CSGALNACT1: variants seen among roughly 807,000 people sequenced by gnomAD.
CSGALNACT1 encodes chondroitin sulfate N-acetylgalactosaminyltransferase 1.
A neutral mutation model predicts 51.0 loss-of-function variants in CSGALNACT1; 52 were observed. The observed-to-expected ratio is 1.02, with a 90% CI of 0.82 to 1.29. CSGALNACT1 has a LOEUF of 1.29. Ranked by LOEUF, CSGALNACT1 falls within the 50% of genes most tolerant of loss-of-function variation. The pLI, the probability that CSGALNACT1 is intolerant of heterozygous loss-of-function variation, is 0.00. For synonymous variants in CSGALNACT1, 341 were observed against 254.4 expected (o/e 1.34, Z -3.24); for missense variants, 935 against 679.2 (o/e 1.38, Z -4.19).
At chr8:19,602,323 A>C (rs1054654617) in exon 1 of CSGALNACT1, 1 of 152,120 alleles carries the variant, frequency 6.6e-6, no homozygotes, top group African/African-American at 2.4e-5. Context: ...GCCACCACTT[A>C]AAAAAAACGG....
intron 3 of CSGALNACT1, among the ~76,000 whole-genome samples, chr8:19,545,467 A>G (rs1470147662): frequency 1.3e-5 from 2 of 152,188 alleles, no homozygotes; most frequent in African/African-American, 4.8e-5. Context: ...GATGTAGAAA[A>G]AGCATAAAAC....
chr8:19,420,299 G>A (rs867274514), intron 7 of CSGALNACT1, 41 bp downstream of exon 6: 4 of 1,601,740 alleles, frequency 2.5e-6, no homozygotes, highest in Non-Finnish European at 2.6e-6. Flanking sequence ...GGCCCGAGAG[G>A]GCTGGGGGCC....
intron 6 of CSGALNACT1, among the ~76,000 whole-genome samples, chr8:19,428,218 G>A (rs2059084008): frequency 6.6e-6 from 1 of 152,172 alleles, no homozygotes; most frequent in South Asian, 2.1e-4. Context: ...CAGCATCGGA[G>A]TCTGTATCAG....
At chr8:19,620,977 A>T (rs2053750570) in intron 1 of CSGALNACT1, among the ~76,000 whole-genome samples, 1 of 152,206 alleles carries the variant, frequency 6.6e-6, no homozygotes, top group African/African-American at 2.4e-5. Flanking sequence ...GCATTCTGAA[A>T]AAATAGAAAC....
At chr8:19,438,197 C>A (rs7008916) in intron 6 of CSGALNACT1, among the ~76,000 whole-genome samples, 4 of 146,372 alleles carry the variant, frequency 2.7e-5, no homozygotes, top group African/African-American at 7.5e-5. Flanking sequence ...GGGCGGGGGT[C>A]GGGGGGCAGC....
Position 19,592,064 on chromosome 8 carries a change from GA to G in CSGALNACT1, c.-415-787del, listed in dbSNP as rs566241799. Among the ~76,000 whole-genome samples the G allele has an allele frequency of 4.6e-3, 688 of 149,410 alleles. 4 individuals are homozygous for G. Among genetic ancestry groups the G allele is most frequent in the African/African-American group, 0.016 (637 of 40,792 alleles). On this transcript the variant is annotated intron_variant, in intron 2 of 9. Transcript: ENST00000454498. The stretch of plus-strand genomic sequence containing the variant: ...CCAAAATGAAAAACAGCCTTTAAAA[GA>G]AAAAAAAAGATTGTGTACTTCAAAA...
At position 19,505,666 on chromosome 8, in the gene CSGALNACT1, AC is replaced by A. The variant is rs749011747; in HGVS notation, c.168del (p.Tyr57ThrfsTer16). ...TCCCACTCCTGAAGGACGGCCTGGTACCCCTCCTTCCCCGTGGGGCTGTTGG... is the reference window on the plus strand; with the variant it reads ...TCCCACTCCTGAAGGACGGCCTGGTACCCTCCTTCCCCGTGGGGCTGTTGG... On this transcript the variant is annotated frameshift_variant, in exon 4 of 10. Transcript: ENST00000454498. LOFTEE classifies it high-confidence loss of function. The A allele has an allele frequency of 1.9e-6, 3 of 1,613,856 alleles. No individual in the cohort carries two copies. In the African/African-American group the frequency reaches 4.0e-5, roughly 22 times the overall value.
At chr8:19,716,366 G>A (rs1589666115) in intron 1 of CSGALNACT1, among the ~76,000 whole-genome samples, 1 of 152,088 alleles carries the variant, frequency 6.6e-6, no homozygotes, top group East Asian at 1.9e-4. Flanking sequence ...TGATCTTCCT[G>A]TGTTGTCAAT....
chr8:19,593,817 C>T (rs2048333432), intron 2 of CSGALNACT1, among the ~76,000 whole-genome samples: 1 of 152,226 alleles, frequency 6.6e-6, no homozygotes, highest in Admixed American at 6.5e-5. Flanking sequence ...TCCTACATTC[C>T]TTCCCTTGAG....
Position 19,506,144 on chromosome 8 carries a change from C to A in CSGALNACT1, c.-296-14G>T. On this transcript the variant is annotated splice_polypyrimidine_tract_variant and intron_variant, in intron 3 of 9. Transcript: ENST00000454498. ...GCAAGAGGGGACCTGGGAAGAAACACAAATGACATCAACACTTAATCAAGA... is the reference window on the plus strand; with the variant it reads ...GCAAGAGGGGACCTGGGAAGAAACAAAAATGACATCAACACTTAATCAAGA... 3.5e-6 allele frequency: 2 copies of A among 576,398 alleles called. No individual in the cohort carries two copies. The highest frequency in any genetic ancestry group is 6.5e-6 in the Non-Finnish European group (2 of 306,090). 35.7% of individuals were successfully genotyped at this position (576,398 alleles called of 1,614,324 possible). A position where few individuals can be genotyped will look rare whatever the true frequency, so the allele number is the denominator to read the frequency against.
At chr8:19,563,718 C>T (rs1170193615) in intron 3 of CSGALNACT1, among the ~76,000 whole-genome samples, 1 of 152,178 alleles carries the variant, frequency 6.6e-6, no homozygotes, top group Non-Finnish European at 1.5e-5. Context: ...CTTTAATCCA[C>T]CCTTCAAAGT....
At chr8:19,523,625 T>C (rs1189860890) in intron 3 of CSGALNACT1, among the ~76,000 whole-genome samples, 1 of 152,126 alleles carries the variant, frequency 6.6e-6, no homozygotes, top group Non-Finnish European at 1.5e-5. Flanking sequence ...GAAAACAACT[T>C]TTCTAGCATT....
intron 4 of CSGALNACT1, among the ~76,000 whole-genome samples, chr8:19,461,518 G>A (rs1408813833): frequency 2.0e-5 from 3 of 147,362 alleles, no homozygotes; most frequent in African/African-American, 7.4e-5. Flanking sequence ...CACCATGGGG[G>A]GCGTATCCGC....
At position 19,609,886 on chromosome 8, in the gene CSGALNACT1, G is replaced by T. The variant is rs886429468; in HGVS notation, c.-543-8021C>A. ...ATGTGGAAAATATCTAAATGATACG[G>T]AAAGGACGTGCTGGGACGGGAGGAG... is the stretch of plus-strand genomic sequence containing the variant. On this transcript the variant is annotated intron_variant, in intron 1 of 9. Transcript: ENST00000332246. Among the ~76,000 whole-genome samples, 5 of 152,224 alleles carry T rather than the reference G, an allele frequency of 3.3e-5. No individual in the cohort carries two copies. In the East Asian group the frequency reaches 9.7e-4, roughly 29 times the overall value.
intron 4 of CSGALNACT1, among the ~76,000 whole-genome samples, chr8:19,489,284 G>C (rs1030861724): frequency 6.6e-6 from 1 of 152,106 alleles, no homozygotes; most frequent in Non-Finnish European, 1.5e-5. Flanking sequence ...GAATGAAATA[G>C]TCATAGGAAA....
intron 1 of CSGALNACT1, among the ~76,000 whole-genome samples, chr8:19,647,186 T>C (rs188415789): frequency 1.3e-5 from 2 of 152,318 alleles, no homozygotes; most frequent in Middle Eastern, 3.4e-3. Flanking sequence ...CTTCTCACCC[T>C]GACCAGGTGC....
intron 1 of CSGALNACT1, among the ~76,000 whole-genome samples, chr8:19,734,027 C>A (rs893330921): frequency 1.3e-5 from 2 of 152,194 alleles, no homozygotes; most frequent in Non-Finnish European, 2.9e-5. Flanking sequence ...CACCCCCCAA[C>A]AATGAACGCT....
In CSGALNACT1 at chr8:19,697,853, G is replaced by T. The variant is rs142361100; in HGVS notation, c.-297+59997C>A. On this transcript the variant is annotated intron_variant, in intron 1 of 1. Transcript: ENST00000517494. The stretch of plus-strand genomic sequence containing the variant: ...GGTGGGTAACGTCCCACCCAGAGAG[G>T]GTAACGTGAATTAGAAGAGGGTGAG... Among the ~76,000 whole-genome samples the T allele has an allele frequency of 8.5e-3, 1,290 of 152,200 alleles. 14 individuals carry two copies. The highest frequency in any genetic ancestry group is 0.029 in the African/African-American group (1,196 of 41,510).
rs1157763015 is a variant in CSGALNACT1, at chr8:19,667,081, A to G, written c.-544+15392T>C. Among the ~76,000 whole-genome samples, 505 of 125,728 alleles carry G rather than the reference A, an allele frequency of 4.0e-3. 92 individuals are homozygous for G. Among genetic ancestry groups the G allele is most frequent in the African/African-American group, 9.7e-3 (329 of 33,756 alleles). 82.5% of individuals were successfully genotyped at this position (125,728 alleles called of 152,430 possible). On this transcript the variant is annotated intron_variant, in intron 1 of 9. Coordinates refer to the CSGALNACT1 transcript ENST00000332246. The stretch of plus-strand genomic sequence containing the variant: ...AAAGAAAGAAAGAAAGAAAGAAAGA[A>G]AGAAAGAAAGAAAGAAAGGGAAAGA...
Sources: allele counts gnomAD v4.1 joint callset (sites outside exome capture counted in the v4.1 genomes callset), GRCh38; gene constraint gnomAD v4.1.1; transcripts MANE v1.5; gene names NCBI Gene and HGNC (gene_info 2026-07-23, HGNC 2026-07-21).